DLG2: variants seen among roughly 807,000 people sequenced by gnomAD.
DLG2 encodes disks large homolog 2.
DLG2 carries 45 observed loss-of-function variants against 132.5 expected under a neutral mutation model. The observed-to-expected ratio is 0.34, with a 90% CI of 0.27 to 0.44. The LOEUF (loss-of-function observed/expected upper bound fraction) is 0.44. Ranked by LOEUF, DLG2 falls within the 20% of genes least tolerant of loss-of-function variation. The pLI is 1.00. For synonymous variants in DLG2, 424 were observed against 419.6 expected, an observed-to-expected ratio of 1.01 and a Z score of -0.13; for missense variants, 1,045 against 1,196.9, an observed-to-expected ratio of 0.87 and a Z score of 1.87.
rs538467253 is a variant in DLG2 at position 85,046,931 on chromosome 11, G to C, written c.357+64730C>G. Among the ~76,000 whole-genome samples, 82 of 151,842 alleles carry C rather than the reference G, an allele frequency of 5.4e-4. 1 individual carries two copies. Among genetic ancestry groups the C allele is most frequent in the Non-Finnish European group, 9.0e-4 (61 of 67,880 alleles). On this transcript the variant is annotated intron_variant, in intron 6 of 27. Transcript: ENST00000376104. ...ATGCACTGAGATGCTCTGCAGTAAA[G>C]AGATATGTTCTTTTTATTTGTTTGT...
chr11:85,316,254 T>C (rs2080666464), intron 3 of DLG2, among the ~76,000 whole-genome samples: 2 of 152,042 alleles, frequency 1.3e-5, no homozygotes, highest in African/African-American at 2.4e-5. Flanking sequence ...TCAATGTCGC[T>C]AGTGTAATTA....
intron 6 of DLG2, among the ~76,000 whole-genome samples, chr11:85,039,051 T>C (rs1381331217): frequency 2.0e-5 from 3 of 152,068 alleles, no homozygotes; most frequent in Non-Finnish European, 4.4e-5. Context: ...GTCATTCTTT[T>C]AAAATCACTT....
At chr11:84,213,368 T>TG (rs1471225010) in intron 8 of DLG2, among the ~76,000 whole-genome samples, 3 of 152,166 alleles carry the variant, frequency 2.0e-5, no homozygotes, top group African/African-American at 7.2e-5. Context: ...TAGTTCACAC[T>TG]GGGGGCTCAA....
chr11:83,650,232 G>C (rs2069737774), intron 18 of DLG2, among the ~76,000 whole-genome samples: 1 of 152,196 alleles, frequency 6.6e-6, no homozygotes, highest in Non-Finnish European at 1.5e-5. Context: ...CTTTGAAGGT[G>C]TGATTAAGGG....
intron 8 of DLG2, among the ~76,000 whole-genome samples, chr11:84,191,409 T>C (rs752600512): frequency 1.3e-5 from 2 of 152,184 alleles, no homozygotes. Context: ...TATAGCTGCC[T>C]TTTAAAAGGA....
At chr11:84,724,344 G>C (rs964646516) in intron 6 of DLG2, among the ~76,000 whole-genome samples, 2 of 152,064 alleles carry the variant, frequency 1.3e-5, no homozygotes, top group Non-Finnish European at 2.9e-5. Flanking sequence ...CAGAAAATTT[G>C]CTCTTCTATA....
chr11:84,181,293 G>T (rs984689507), intron 8 of DLG2, among the ~76,000 whole-genome samples: 1 of 151,700 alleles, frequency 6.6e-6, no homozygotes, highest in African/African-American at 2.4e-5. Flanking sequence ...AACTTGGATT[G>T]GTTGTAAATG....
At chr11:84,420,645 G>GTTTTTTTTTT (rs1567588759) in intron 7 of DLG2, among the ~76,000 whole-genome samples, 4 of 48,910 alleles carry the variant, frequency 8.2e-5, no homozygotes, top group Non-Finnish European at 2.0e-4. Context: ...ACCAATGCTT[G>GTTTTTTTTTT]TTTTCTTTTT....
At chr11:84,768,610 C>T (rs1405897783) in intron 6 of DLG2, among the ~76,000 whole-genome samples, 1 of 152,008 alleles carries the variant, frequency 6.6e-6, no homozygotes, top group African/African-American at 2.4e-5. Context: ...ACATGCAGTG[C>T]TAGGTGGATT....
rs569166499 is a variant in DLG2, at chr11:84,751,404, G to T, written c.358-216673C>A. ...AGCAGCAAGAAGGTGACAGTGATTG[G>T]TATTATTGTAAAAACTGTAGGCATT... is the stretch of plus-strand genomic sequence containing the variant. On this transcript the variant is annotated intron_variant, in intron 6 of 27. Coordinates refer to ENST00000376104, the MANE Select transcript of DLG2 (RefSeq NM_001142699.3). Among the ~76,000 whole-genome samples the T allele has an allele frequency of 2.6e-5, 4 of 152,156 alleles. No homozygotes were observed. The South Asian group carries it at 6.2e-4, about 24-fold the overall frequency.
intron 19 of DLG2, among the ~76,000 whole-genome samples, chr11:83,545,313 T>C (rs1397125074): frequency 6.6e-6 from 1 of 152,166 alleles, no homozygotes; most frequent in Non-Finnish European, 1.5e-5. Flanking sequence ...ATGTAAAGTA[T>C]TGTAACACTA....
chr11:85,353,110 G>C (rs2083425382), intron 3 of DLG2, among the ~76,000 whole-genome samples: 11 of 152,058 alleles, frequency 7.2e-5, no homozygotes, highest in Admixed American at 7.2e-4. Flanking sequence ...CTAATATCCA[G>C]AATCTACAAG....
chr11:83,909,557 G>C (rs1005602476), intron 15 of DLG2, among the ~76,000 whole-genome samples: 5 of 152,144 alleles, frequency 3.3e-5, no homozygotes, highest in African/African-American at 1.2e-4. Flanking sequence ...TAATGTGGCA[G>C]TAAAAAGTAA....
At chr11:84,380,447 A>G (rs1012184533) in intron 7 of DLG2, among the ~76,000 whole-genome samples, 6 of 152,078 alleles carry the variant, frequency 3.9e-5, no homozygotes, top group African/African-American at 1.4e-4. Context: ...TCAGGAATAA[A>G]GAAATAGCTT....
At chr11:85,494,112 C>T (rs56789503) in intron 3 of DLG2, among the ~76,000 whole-genome samples, 1,576 of 152,200 alleles carry the variant, frequency 0.01, 26 homozygotes, top group African/African-American at 0.036. Context: ...GACGGCAGAG[C>T]CTTCATGACT....
At chr11:85,587,710 G>A (rs2079058944) in intron 3 of DLG2, among the ~76,000 whole-genome samples, 1 of 152,212 alleles carries the variant, frequency 6.6e-6, no homozygotes, top group South Asian at 2.1e-4. Context: ...GTACTGAGAT[G>A]TGAGGTACTG....
At chr11:85,135,130 C>G (rs2152419911) in intron 5 of DLG2, among the ~76,000 whole-genome samples, 1 of 152,290 alleles carries the variant, frequency 6.6e-6, no homozygotes, top group East Asian at 1.9e-4. Flanking sequence ...GCGTGTTTCC[C>G]TGGCACAACT....
chr11:83,852,957 C>A (rs1767099279), intron 16 of DLG2, among the ~76,000 whole-genome samples: 1 of 152,186 alleles, frequency 6.6e-6, no homozygotes, highest in Non-Finnish European at 1.5e-5. Context: ...TTGAACATGG[C>A]ATTCTTAAAG....
chr11:85,498,017 T>C (rs1007065760), intron 3 of DLG2, among the ~76,000 whole-genome samples: 9 of 152,082 alleles, frequency 5.9e-5, no homozygotes, highest in Non-Finnish European at 1.3e-4. Flanking sequence ...AGAAACCACA[T>C]CAATTAACAG....
Sources: gnomAD v4.1 joint callset for allele counts (sites outside exome capture counted in the v4.1 genomes callset) on GRCh38, gnomAD v4.1.1 for gene constraint, MANE v1.5 for transcripts, NCBI Gene and HGNC (gene_info 2026-07-23, HGNC 2026-07-21) for gene names.